COL12A1: variants seen among roughly 807,000 people sequenced by gnomAD.
The protein encoded by COL12A1 is collagen type XII alpha 1 chain.
COL12A1 carries 114 observed loss-of-function variants against 349.7 expected under a neutral mutation model. That is an observed-to-expected ratio of 0.33 (90% CI 0.28 to 0.38). The LOEUF (loss-of-function observed/expected upper bound fraction) is 0.38. COL12A1 is among the 10% of genes least tolerant of loss of function. COL12A1 has a pLI of 1.00. For missense variants in COL12A1, 3,284 were observed against 3,756.9 expected (o/e 0.87, Z 3.29); for synonymous variants, 1,369 against 1,329.0 (o/e 1.03, Z -0.66).
In COL12A1 at chr6:75,134,661, T is replaced by C. The variant is rs1402509538; in HGVS notation, c.5524+65A>G. On this transcript the variant is annotated intron_variant, in intron 32 of 65. Transcript: ENST00000322507. ...TTTGTGTCACCCCAGTGTTTCCAGA[T>C]AAAGAGATGATTCCATTCTAATAGT... 3.6e-6 allele frequency: 5 copies of C among 1,401,104 alleles called. No homozygotes were observed. In the East Asian group the frequency reaches 1.2e-4, roughly 35 times the overall value. The allele number at this position is 1,401,104 out of a possible 1,614,324, so 86.8% of individuals were successfully genotyped here.
chr6:75,088,828 G>A (rs559940874), intron 64 of COL12A1, among the ~76,000 whole-genome samples: 18 of 151,816 alleles, frequency 1.2e-4, no homozygotes, highest in African/African-American at 3.1e-4. Context: ...GCAAAACCCC[G>A]TCTCTACTAA....
At chr6:75,125,797 A>G (rs1377182511) in intron 39 of COL12A1, among the ~76,000 whole-genome samples, 1 of 151,982 alleles carries the variant, frequency 6.6e-6, no homozygotes, top group Non-Finnish European at 1.5e-5. Flanking sequence ...TTTCTAGTTC[A>G]TACTCTTACT....
rs191635415 is a variant in COL12A1, at chr6:75,087,031, G to C, written c.9182-474C>G. Among the ~76,000 whole-genome samples, 344 of 152,168 alleles carry C rather than the reference G, an allele frequency of 2.3e-3. 1 individual carries two copies. Among genetic ancestry groups the C allele is most frequent in the Non-Finnish European group, 4.2e-3 (288 of 68,006 alleles). ...ACATCCCACAAAATCAAGTATAGGAGACTTCTGCCCTCTACAATTGTCAAA... is the reference window on the plus strand; with the variant it reads ...ACATCCCACAAAATCAAGTATAGGACACTTCTGCCCTCTACAATTGTCAAA... On this transcript the variant is annotated intron_variant, in intron 65 of 65. Transcript: ENST00000322507.
intron 21 of COL12A1, among the ~76,000 whole-genome samples, chr6:75,150,882 GA>G (rs911982820): frequency 2.0e-5 from 3 of 150,940 alleles, no homozygotes; most frequent in Non-Finnish European, 3.0e-5. Context: ...AAACAAATCA[GA>G]AAAAAAAATC....
intron 59 of COL12A1, among the ~76,000 whole-genome samples, chr6:75,095,410 G>A (rs1373204828): frequency 1.3e-5 from 2 of 151,974 alleles, no homozygotes; most frequent in African/African-American, 2.4e-5. Context: ...GAGGTCAGGA[G>A]ATCGAGACCA....
At chr6:75,141,657 C>G (rs1766897122) in intron 27 of COL12A1, among the ~76,000 whole-genome samples, 1 of 152,188 alleles carries the variant, frequency 6.6e-6, no homozygotes. Flanking sequence ...GATAACACTT[C>G]ACGTATAGTA....
chr6:75,200,055 A>C (rs1319099750), intron 2 of COL12A1, among the ~76,000 whole-genome samples: 1 of 152,234 alleles, frequency 6.6e-6, no homozygotes, highest in Non-Finnish European at 1.5e-5. Context: ...TTTAGGACTC[A>C]GATCAAAATG....
chr6:75,138,578 G>T lies in COL12A1; in HGVS notation c.5100C>A (p.Thr1700=). 1 of 1,613,248 alleles carries T rather than the reference G, an allele frequency of 6.2e-7. No individual in the cohort carries two copies. Among genetic ancestry groups the T allele is most frequent in the Non-Finnish European group, 8.5e-7 (1 of 1,179,726 alleles). The stretch of plus-strand genomic sequence containing the variant: ...AAGTGTTTTCATCTCCATTTAAGAT[G>T]GTCTTGGAGAAAGAGGACAAAAACA... ...APFGSSDKME[T]ILNGDENTLV... The change falls in exon 29 of 66, where the codon ACC becomes ACA. Residue 1700 remains threonine (T), a splice_region_variant and synonymous_variant. Transcript: ENST00000322507.
In COL12A1 at chr6:75,189,224, G is replaced by T; in HGVS notation, c.816C>A (p.Phe272Leu). The part of the protein sequence containing the change: ...RELRNVGVEV[F>L]SLGIKAADAK... The stretch of plus-strand genomic sequence containing the variant: ...TAACTGAACTTAACCTACCCAAGGA[G>T]AAAACTTCAACTCCAACATTACGAA... Residue 272 changes from phenylalanine to leucine, a missense_variant, in exon 7 of 66, where the codon TTC (phenylalanine) becomes TTA (leucine). By Grantham distance (22) the Phe-to-Leu change is conservative (BLOSUM62 0). Transcript: ENST00000322507. 1 of 1,612,672 alleles carries T rather than the reference G, an allele frequency of 6.2e-7. No homozygotes were observed. Among genetic ancestry groups the T allele is most frequent in the Non-Finnish European group, 8.5e-7 (1 of 1,179,274 alleles).
chr6:75,197,775 A>G (rs1326826118), intron 2 of COL12A1, among the ~76,000 whole-genome samples: 1 of 152,222 alleles, frequency 6.6e-6, no homozygotes, highest in Non-Finnish European at 1.5e-5. Flanking sequence ...AAAGAGACTA[A>G]AATTTTAAGT....
At chr6:75,188,233 C>T (rs1273940002) in intron 8 of COL12A1, 129 bp downstream of exon 8, 1 of 960,696 alleles carries the variant, frequency 1.0e-6, no homozygotes, top group African/African-American at 1.7e-5. Flanking sequence ...AAAAACAATA[C>T]AGTGGAGTAT....
Position 75,090,356 on chromosome 6 carries a change from T to A in COL12A1, c.8753-58A>T, listed in dbSNP as rs750212879. 6.6e-7 allele frequency: 1 copy of A among 1,505,470 alleles called. No homozygotes were observed. 93.3% of individuals were successfully genotyped at this position (1,505,470 alleles called of 1,614,324 possible). ...ACCCAATAAAGGACGGATGAGAGAG[T>A]GAAACTGTTTTCTCTTAGTGTCTAG... On this transcript the variant is annotated intron_variant, in intron 62 of 65. Coordinates refer to ENST00000322507, the MANE Select transcript of COL12A1 (RefSeq NM_004370.6). The surrounding 1 kb of genome is among the most constrained non-coding windows in gnomAD (Gnocchi z 4.1).
At position 75,189,298 on chromosome 6, in the gene COL12A1, T is replaced by C; in HGVS notation, c.742A>G (p.Ile248Val). Residue 248 changes from isoleucine (I) to valine (V), a missense_variant, in exon 7 of 66, where the codon ATT becomes GTT. Coordinates refer to ENST00000322507, the MANE Select transcript of COL12A1 (RefSeq NM_004370.6). Reference protein sequence around the residue: ...RVGFPKVAIIITDGKSQDEVE... With the variant: ...RVGFPKVAIIVTDGKSQDEVE... Reference sequence around the variant, plus strand: ...TCATCCTGGGATTTTCCATCCGTAATAATAATTGCCACTTTAGGAAAGCCA... The same window carrying C: ...TCATCCTGGGATTTTCCATCCGTAACAATAATTGCCACTTTAGGAAAGCCA... The C allele has an allele frequency of 6.2e-7, 1 of 1,613,190 alleles. No homozygotes were observed. Among genetic ancestry groups the C allele is most frequent in the Non-Finnish European group, 8.5e-7 (1 of 1,179,462 alleles).
chr6:75,124,226 G>T, intron 41 of COL12A1, 29 bp downstream of exon 41: 1 of 1,603,144 alleles, frequency 6.2e-7, no homozygotes, highest in Non-Finnish European at 8.5e-7. Context: ...ACATGCTCCA[G>T]ATCATTTTTT....
At chr6:75,153,608 A>C (rs1767601464) in intron 17 of COL12A1, among the ~76,000 whole-genome samples, 1 of 152,176 alleles carries the variant, frequency 6.6e-6, no homozygotes, top group Admixed American at 6.6e-5. Flanking sequence ...CTCATATATT[A>C]TATACTATAT....
In COL12A1 at chr6:75,097,459, C is replaced by CA. The variant is rs200980817; in HGVS notation, c.8524-154dup. Reference sequence around the variant, plus strand: ...AAGCTTTCAATAAAAAGACAAACAGCAAAAAAAATAAAATTAAAAAATTAA... The same window carrying CA: ...AAGCTTTCAATAAAAAGACAAACAGCAAAAAAAAATAAAATTAAAAAATTAA... On this transcript the variant is annotated intron_variant, in intron 58 of 65. Coordinates refer to ENST00000322507, the MANE Select transcript of COL12A1 (RefSeq NM_004370.6). Among the ~76,000 whole-genome samples the CA allele has an allele frequency of 6.7e-3, 1,015 of 151,442 alleles. 7 individuals carry two copies. Among genetic ancestry groups the CA allele is most frequent in the African/African-American group, 0.022 (897 of 41,352 alleles).
rs569627694 is a variant in COL12A1 at position 75,095,548 on chromosome 6, C to T, written c.8578-369G>A. Among the ~76,000 whole-genome samples, 7 of 141,360 alleles carry T rather than the reference C, an allele frequency of 5.0e-5. No homozygotes were observed. In the East Asian group the frequency reaches 1.3e-3, roughly 26 times the overall value. 92.7% of individuals were successfully genotyped at this position (141,360 alleles called of 152,430 possible). The stretch of plus-strand genomic sequence containing the variant: ...AGGAGAATGGCGTGAACCCAGGAAG[C>T]GGAGCTTGCAGTGAGCCGAGATTGC... On this transcript the variant is annotated intron_variant, in intron 59 of 65. Transcript: ENST00000322507.
At chr6:75,202,649 C>G in intron 2 of COL12A1, 71 bp downstream of exon 2, 1 of 1,438,330 alleles carries the variant, frequency 7.0e-7, no homozygotes, top group Non-Finnish European at 9.6e-7. Context: ...GCAATAGAAG[C>G]AAGAAAGATG....
At chr6:75,113,784 A>T (rs1402610444) in intron 49 of COL12A1, 40 bp from the exon 50 acceptor site, 2 of 1,449,200 alleles carry the variant, frequency 1.4e-6, no homozygotes, top group East Asian at 2.3e-5. Flanking sequence ...GAGAGGAAAG[A>T]AAAAAAGAAA....
Sources: allele counts gnomAD v4.1 joint callset (sites outside exome capture counted in the v4.1 genomes callset), GRCh38; gene constraint gnomAD v4.1.1; non-coding constraint Gnocchi (gnomAD v3.1); transcripts MANE v1.5; gene names NCBI Gene and HGNC (gene_info 2026-07-23, HGNC 2026-07-21).